ANTXR1: variants seen among roughly 807,000 people sequenced by gnomAD.
ANTXR1 encodes anthrax toxin receptor 1.
A neutral mutation model predicts 78.1 loss-of-function variants in ANTXR1; 19 were observed. That is an observed-to-expected ratio of 0.24 (90% CI 0.17 to 0.36). ANTXR1 has a LOEUF of 0.36. Ranked by LOEUF, ANTXR1 falls within the 10% of genes least tolerant of loss-of-function variation. The pLI is 1.00. For synonymous variants in ANTXR1, 273 were observed against 260.5 expected, an observed-to-expected ratio of 1.05 and a Z score of -0.46; for missense variants, 518 against 718.6, an observed-to-expected ratio of 0.72 and a Z score of 3.19.
chr2:69,035,270 C>G (rs1356186525), intron 1 of ANTXR1, among the ~76,000 whole-genome samples: 1 of 152,040 alleles, frequency 6.6e-6, no homozygotes, highest in Non-Finnish European at 1.5e-5. Context: ...GACAGGTAAG[C>G]CTCCTGCCAC....
chr2:69,188,791 G>A (rs1674485514), intron 16 of ANTXR1, among the ~76,000 whole-genome samples: 1 of 152,196 alleles, frequency 6.6e-6, no homozygotes, highest in Non-Finnish European at 1.5e-5. Context: ...AGATAAAGCG[G>A]AGGCAACTCA....
At chr2:69,230,408 T>A (rs921662163) in intron 17 of ANTXR1, among the ~76,000 whole-genome samples, 2 of 152,082 alleles carry the variant, frequency 1.3e-5, no homozygotes, top group African/African-American at 4.8e-5. Flanking sequence ...TTCATTTGTA[T>A]GGCAAGTAGT....
chr2:69,112,929 C>T (rs578035245), intron 10 of ANTXR1, among the ~76,000 whole-genome samples: 7 of 152,180 alleles, frequency 4.6e-5, no homozygotes, highest in East Asian at 1.9e-4. Context: ...AAAGGGAAGT[C>T]GCCACCAGAG....
chr2:69,088,209 G>C (rs141782705), intron 8 of ANTXR1, among the ~76,000 whole-genome samples: 1 of 152,088 alleles, frequency 6.6e-6, no homozygotes, highest in Admixed American at 6.5e-5. Context: ...AAAGATCCAC[G>C]GATGGTTCCT....
intron 17 of ANTXR1, among the ~76,000 whole-genome samples, chr2:69,210,332 C>G (rs183067815): frequency 6.6e-6 from 1 of 152,200 alleles, no homozygotes; most frequent in Non-Finnish European, 1.5e-5. Context: ...ATTGTCCTGC[C>G]TAGCTGTTAG....
chr2:69,224,368 T>C (rs1675391266), intron 17 of ANTXR1, among the ~76,000 whole-genome samples: 1 of 152,232 alleles, frequency 6.6e-6, no homozygotes, highest in South Asian at 2.1e-4. Flanking sequence ...ACTTTGAAAG[T>C]AGGCGAAAGG....
At chr2:69,172,290 A>G in intron 14 of ANTXR1, 1 of 1,229,838 alleles carries the variant, frequency 8.1e-7, no homozygotes, top group Non-Finnish European at 1.2e-6. Flanking sequence ...GCTTTTTGGC[A>G]TGTGCTGATT....
At chr2:69,243,923 A>T (rs1039192772) in intron 17 of ANTXR1, among the ~76,000 whole-genome samples, 2 of 152,206 alleles carry the variant, frequency 1.3e-5, no homozygotes, top group Admixed American at 6.5e-5. Context: ...GAACAATAAG[A>T]TACCCCACAG....
chr2:69,204,980 T>C (rs1229274869), intron 17 of ANTXR1, among the ~76,000 whole-genome samples: 1 of 152,084 alleles, frequency 6.6e-6, no homozygotes, highest in Non-Finnish European at 1.5e-5. Flanking sequence ...AGTTAATACA[T>C]CCTGAGCTCC....
intron 10 of ANTXR1, among the ~76,000 whole-genome samples, chr2:69,119,250 G>C (rs898347638): frequency 6.6e-6 from 1 of 152,182 alleles, no homozygotes; most frequent in Non-Finnish European, 1.5e-5. Flanking sequence ...GAGTCTCCCT[G>C]GCTGTGGCGC....
At chr2:69,189,076 C>G (rs1456795682) in intron 16 of ANTXR1, among the ~76,000 whole-genome samples, 2 of 152,184 alleles carry the variant, frequency 1.3e-5, no homozygotes, top group Admixed American at 1.3e-4. Flanking sequence ...TTCTAAAGCT[C>G]TTGCATAAAA....
chr2:69,228,104 T>G (rs1470461676), intron 17 of ANTXR1, among the ~76,000 whole-genome samples: 1 of 152,206 alleles, frequency 6.6e-6, no homozygotes, highest in Non-Finnish European at 1.5e-5. Context: ...TAAACCACTA[T>G]AGTGGACCCA....
chr2:69,023,690 A>G (rs1191171599), intron 1 of ANTXR1, among the ~76,000 whole-genome samples: 2 of 152,220 alleles, frequency 1.3e-5, no homozygotes, highest in African/African-American at 4.8e-5. Flanking sequence ...GAGTTCTGGA[A>G]TCAAAAAATG....
At chr2:69,177,318 T>C (rs373340488) in intron 14 of ANTXR1, among the ~76,000 whole-genome samples, 1 of 152,078 alleles carries the variant, frequency 6.6e-6, no homozygotes, top group East Asian at 1.9e-4. Flanking sequence ...CCTGGCATGA[T>C]TGGGAAAGAT....
chr2:69,182,620 G>A lies in ANTXR1; in HGVS notation c.1313G>A (p.Arg438His), dbSNP rs188322670. 26 of 1,614,094 alleles carry A rather than the reference G, an allele frequency of 1.6e-5. No homozygotes were observed. In the East Asian group the frequency reaches 3.1e-4, roughly 19 times the overall value. The change falls in exon 16 of 18, where the codon CGT becomes CAT. Residue 438 changes from arginine (R) to histidine (H), a missense_variant. Around this residue, in one of 5 missense-constraint regions of ANTXR1, gnomAD observed 192 missense variants for 230.2 expected, o/e 0.83. Transcript: ENST00000303714. ...PEPRNLNNNM[R>H]RPSSPRKWYS... is the part of the protein sequence containing the mutation. ...CCGCGAAATCTCAACAACAATATGC[G>A]TCGGCCTTCTTCCCCCCGGAAGTGG...
rs1670933149 is a variant in ANTXR1 at position 69,013,583 on chromosome 2, AGG to A, written c.88_89del (p.Gly30ThrfsTer14). On this transcript the variant is annotated frameshift_variant, in exon 1 of 18. Coordinates refer to ENST00000303714, the MANE Select transcript of ANTXR1 (RefSeq NM_032208.3). LOFTEE classifies it high-confidence loss of function. This position sits in a 1 kb window ranked among gnomAD's most constrained non-coding sequence, Gnocchi z 5.0. The stretch of plus-strand genomic sequence containing the variant: ...CTCTGGTGCTCATCTGCGCCGGGCA[AGG>A]GGGACGCAGGGAGGATGGGGGTCCA... Reference protein sequence around the residue: ...ATLVLICAGQGGRREDGGPAC... With the variant: ...ATLVLICAGQXGRREDGGPAC... 6.4e-7 allele frequency: 1 copy of A among 1,566,158 alleles called. No homozygotes were observed. Among genetic ancestry groups the A allele is most frequent in the Non-Finnish European group, 8.7e-7 (1 of 1,154,648 alleles).
intron 4 of ANTXR1, among the ~76,000 whole-genome samples, chr2:69,071,115 C>G (rs1451218985): frequency 6.6e-6 from 1 of 151,954 alleles, no homozygotes; most frequent in East Asian, 1.9e-4. Context: ...TCCGTGCTGA[C>G]AACTACAGTC....
chr2:69,188,676 C>A (rs1422089178), intron 16 of ANTXR1, among the ~76,000 whole-genome samples: 1 of 152,216 alleles, frequency 6.6e-6, no homozygotes, highest in South Asian at 2.1e-4. Flanking sequence ...AATCTTTGTC[C>A]TAGCTTCACA....
intron 3 of ANTXR1, among the ~76,000 whole-genome samples, chr2:69,063,627 T>C (rs1670310854): frequency 1.3e-5 from 2 of 151,982 alleles, no homozygotes; most frequent in African/African-American, 4.8e-5. Flanking sequence ...ATGATAAATA[T>C]TTAGGTAAAT....
Sources: allele counts gnomAD v4.1 joint callset (sites outside exome capture counted in the v4.1 genomes callset), GRCh38; gene constraint gnomAD v4.1.1; regional missense constraint gnomAD v4.1.1; non-coding constraint Gnocchi (gnomAD v3.1); transcripts MANE v1.5; gene names NCBI Gene and HGNC (gene_info 2026-07-23, HGNC 2026-07-21).